The following IWS1 variants were observed in gnomAD, a reference collection of about 807,000 sequenced individuals.
The protein encoded by IWS1 is protein IWS1 homolog.
In IWS1, 27 loss-of-function variants were observed where a neutral mutation model predicts 86.7. The ratio of observed to expected loss-of-function variants is 0.31; its 90% CI spans 0.23 to 0.43. IWS1 has a LOEUF of 0.43. IWS1 is among the 20% of genes least tolerant of loss of function. The probability of loss-of-function intolerance (pLI) is 1.00; values close to 1 mark genes in which losing one functional copy is unlikely to be tolerated. For missense variants in IWS1, 827 were observed against 1,000.8 expected (o/e 0.83, Z 2.34); for synonymous variants, 313 against 335.1 (o/e 0.93, Z 0.72).
chr2:127,490,120 T>C (rs1328014618), intron 10 of IWS1, among the ~76,000 whole-genome samples, 177 bp from the exon 11 acceptor site: 1 of 152,272 alleles, frequency 6.6e-6, no homozygotes, highest in East Asian at 1.9e-4. Flanking sequence ...GTGTACTGAC[T>C]GACTCTGGCT....
At position 127,522,739 on chromosome 2, in the gene IWS1, A is replaced by C. The variant is rs2104747242; in HGVS notation, c.150+937T>G. Among the ~76,000 whole-genome samples the C allele has an allele frequency of 1.3e-5, 2 of 152,358 alleles. 1 individual carries two copies. The highest frequency in any genetic ancestry group is 4.1e-4 in the South Asian group (2 of 4,832). On this transcript the variant is annotated intron_variant, in intron 2 of 13. Transcript: ENST00000295321. ...ATTCCTATTTGTTTCAGTCGTATCT[A>C]CCAAAGACTTACGGCGAACTTATTG...
At chr2:127,501,476 A>G (rs980094127) in intron 5 of IWS1, among the ~76,000 whole-genome samples, 2 of 152,108 alleles carry the variant, frequency 1.3e-5, no homozygotes, top group Non-Finnish European at 2.9e-5. Flanking sequence ...TGGTTTAGGT[A>G]TCATTTCCTT....
At chr2:127,488,542 T>C (rs1001390112) in intron 12 of IWS1, among the ~76,000 whole-genome samples, 4 of 152,210 alleles carry the variant, frequency 2.6e-5, no homozygotes, top group South Asian at 2.1e-4. Flanking sequence ...CACCCCTCTG[T>C]TTCCCAACTA....
intron 6 of IWS1, among the ~76,000 whole-genome samples, chr2:127,496,991 C>T (rs140488543): frequency 3.3e-5 from 5 of 152,262 alleles, no homozygotes; most frequent in African/African-American, 7.2e-5. Flanking sequence ...ACCCTAGGTG[C>T]GATAGGTTTT....
In IWS1 at chr2:127,505,726, G is replaced by A. The variant is rs377613210; in HGVS notation, c.177C>T (p.Gly59=). The change falls in exon 3 of 14, where the codon GGC becomes GGT. Residue 59 remains glycine (G), a synonymous_variant. Coordinates refer to ENST00000295321, the MANE Select transcript of IWS1 (RefSeq NM_017969.3). This position sits in a 1 kb window ranked among gnomAD's most constrained non-coding sequence, Gnocchi z 5.0. ...SENETSDRED[G]LPKGHHVTDS... Reference sequence around the variant, plus strand: ...CTGTCACATGATGTCCTTTGGGGAGGCCATCTTCTCGATCACTAGTTTCAT... The same window carrying A: ...CTGTCACATGATGTCCTTTGGGGAGACCATCTTCTCGATCACTAGTTTCAT... The A allele has an allele frequency of 6.4e-7, 1 of 1,554,898 alleles. No individual in the cohort carries two copies. Among genetic ancestry groups the A allele is most frequent in the Non-Finnish European group, 8.7e-7 (1 of 1,153,956 alleles).
intron 8 of IWS1, 36 bp from the exon 9 acceptor site, chr2:127,493,446 C>G: frequency 1.3e-6 from 2 of 1,566,922 alleles, no homozygotes; most frequent in Non-Finnish European, 1.7e-6. Context: ...TTCTGTGAAC[C>G]TTGGTTCTAC....
At chr2:127,501,600 T>C (rs758614669) in intron 5 of IWS1, 2 of 152,244 alleles carry the variant, frequency 1.3e-5, no homozygotes, top group Admixed American at 6.5e-5. Flanking sequence ...TGTAATACTG[T>C]ATCTTGAAGC....
rs746444808 is a variant in IWS1, at chr2:127,496,098, A to C, written c.1616T>G (p.Met539Arg). Reference protein sequence around the residue: ...FEMMLQRKKSMSGKRRRNRDG... With the variant: ...FEMMLQRKKSRSGKRRRNRDG... Reference sequence around the variant, plus strand: ...GCGGTTCCGTCTGCGCTTGCCACTCATGCTCTTTTTTCGCTGCAACATCAT... The same window carrying C: ...GCGGTTCCGTCTGCGCTTGCCACTCCTGCTCTTTTTTCGCTGCAACATCAT... The change falls in exon 7 of 14, where the codon ATG becomes AGG. Residue 539 changes from methionine (M) to arginine (R), a missense_variant. Met to Arg is a moderately conservative substitution (Grantham distance 91). This residue lies in a region of IWS1 where 279 missense variants were observed against 440.6 expected (regional missense o/e 0.63). Coordinates refer to ENST00000295321, the MANE Select transcript of IWS1 (RefSeq NM_017969.3). 5 of 1,613,858 alleles carry C rather than the reference A, an allele frequency of 3.1e-6. No homozygotes were observed. Among genetic ancestry groups the C allele is most frequent in the African/African-American group, 1.3e-5 (1 of 74,888 alleles).
intron 2 of IWS1, among the ~76,000 whole-genome samples, chr2:127,516,556 A>G (rs1245573589): frequency 1.3e-5 from 2 of 152,124 alleles, no homozygotes; most frequent in Admixed American, 1.3e-4. Flanking sequence ...TGAGGTCAGG[A>G]GTTCAAGACC....
chr2:127,520,090 G>C (rs1216337901), intron 2 of IWS1, among the ~76,000 whole-genome samples: 2 of 152,198 alleles, frequency 1.3e-5, no homozygotes, highest in East Asian at 3.8e-4. Flanking sequence ...CCACCAAGTT[G>C]TATCAAGTTG....
chr2:127,498,407 T>C (rs572129251), intron 5 of IWS1, among the ~76,000 whole-genome samples, 170 bp from the exon 6 acceptor site: 1 of 152,366 alleles, frequency 6.6e-6, no homozygotes, highest in African/African-American at 2.4e-5. Flanking sequence ...AGGTTTCTTG[T>C]GTTTCCTTCC....
chr2:127,514,462 A>G (rs1573557704), intron 2 of IWS1: 2 of 154,226 alleles, frequency 1.3e-5, no homozygotes, highest in Admixed American at 1.3e-4. Context: ...GCAGGAACAA[A>G]TAAGAGCTGT....
In IWS1 at chr2:127,505,438, G is replaced by A. The variant is rs139177686; in HGVS notation, c.465C>T (p.Pro155=). The change falls in exon 3 of 14, where the codon CCC becomes CCT. Residue 155 remains proline (P), a synonymous_variant. Transcript: ENST00000295321. This position sits in a 1 kb window ranked among gnomAD's most constrained non-coding sequence, Gnocchi z 5.0. Reference sequence around the variant, plus strand: ...GCTCCTCAATCTCAGAATCACTGGCGGGATGCTTCCCAACATCTTCGTTTT... The same window carrying A: ...GCTCCTCAATCTCAGAATCACTGGCAGGATGCTTCCCAACATCTTCGTTTT... ...DSENEDVGKH[P]ASDSEIEELQ... The A allele has an allele frequency of 2.6e-4, 415 of 1,614,000 alleles. 1 individual carries two copies. The Middle Eastern group carries it at 3.0e-3, about 12-fold the overall frequency.
At chr2:127,509,643 G>C (rs553503718) in intron 2 of IWS1, among the ~76,000 whole-genome samples, 3 of 147,892 alleles carry the variant, frequency 2.0e-5, no homozygotes, top group Non-Finnish European at 3.0e-5. Flanking sequence ...AGGAAGCGGA[G>C]GTTGCAGTGA....
At chr2:127,513,751 C>A (rs536041364) in intron 2 of IWS1, among the ~76,000 whole-genome samples, 2 of 152,266 alleles carry the variant, frequency 1.3e-5, no homozygotes, top group East Asian at 3.9e-4. Context: ...CATTAATGAG[C>A]ACTGCAGAAA....
rs2104722353 is a variant in IWS1 at position 127,512,650 on chromosome 2, G to T, written c.151-6898C>A. 1.3e-5 allele frequency among the ~76,000 whole-genome samples: 2 copies of T among 152,240 alleles called. 1 individual carries two copies. Among genetic ancestry groups the T allele is most frequent in the South Asian group, 4.1e-4 (2 of 4,820 alleles). On this transcript the variant is annotated intron_variant, in intron 2 of 13. Transcript: ENST00000295321. Reference sequence around the variant, plus strand: ...CCACCCCTAACCCGTTTCTCCAACTGGCAATGTCTCTCATTCTTCTGTCAG... The same window carrying T: ...CCACCCCTAACCCGTTTCTCCAACTTGCAATGTCTCTCATTCTTCTGTCAG...
intron 8 of IWS1, 84 bp downstream of exon 8, chr2:127,494,788 A>C: frequency 1.5e-6 from 1 of 659,424 alleles, no homozygotes. Flanking sequence ...ATCATTATTT[A>C]ATATTCCTAG....
rs140842554 is a variant in IWS1, at chr2:127,497,377, C to A, written c.1565+763G>T. Among the ~76,000 whole-genome samples the A allele has an allele frequency of 7.1e-3, 1,079 of 152,240 alleles. 15 individuals are homozygous for A. Among genetic ancestry groups the A allele is most frequent in the African/African-American group, 0.025 (1,028 of 41,536 alleles). ...TGTTCAATTATTTGAATGTTGTGGT[C>A]TTATATAGCATGAGTAGAAAAAATG... On this transcript the variant is annotated intron_variant, in intron 6 of 13. Transcript: ENST00000295321.
intron 2 of IWS1, among the ~76,000 whole-genome samples, chr2:127,511,633 T>C (rs1465039913): frequency 6.6e-6 from 1 of 152,128 alleles, no homozygotes; most frequent in African/African-American, 2.4e-5. Context: ...GACCTTAAGA[T>C]CAGAGGCTAT....
Sources: gnomAD v4.1 joint callset for allele counts (sites outside exome capture counted in the v4.1 genomes callset) on GRCh38, gnomAD v4.1.1 for gene constraint, gnomAD v4.1.1 regional missense constraint, Gnocchi (gnomAD v3.1) non-coding constraint, MANE v1.5 for transcripts, NCBI Gene and HGNC (gene_info 2026-07-23, HGNC 2026-07-21) for gene names.